The following DPP6 variants were observed in gnomAD, a reference collection of about 807,000 sequenced individuals.
The protein encoded by DPP6 is A-type potassium channel modulatory protein DPP6.
A neutral mutation model predicts 122.6 loss-of-function variants in DPP6; 69 were observed. The ratio of observed to expected loss-of-function variants is 0.56; its 90% CI spans 0.46 to 0.69. The LOEUF (loss-of-function observed/expected upper bound fraction) is 0.69. Among genes scored for constraint, DPP6 ranks in the 30% least tolerant of loss-of-function variants. The pLI, the probability that DPP6 is intolerant of heterozygous loss-of-function variation, is 0.00. For synonymous variants in DPP6, 418 were observed against 433.1 expected, an observed-to-expected ratio of 0.97 and a Z score of 0.43; for missense variants, 928 against 1,116.9, an observed-to-expected ratio of 0.83 and a Z score of 2.41.
chr7:153,992,871 C>G (rs1797246006), intron 1 of DPP6, among the ~76,000 whole-genome samples: 1 of 152,008 alleles, frequency 6.6e-6, no homozygotes, highest in African/African-American at 2.4e-5. Flanking sequence ...AAATTCTCAT[C>G]CCTCATATTT....
chr7:154,519,506 C>T (rs564648219), intron 3 of DPP6, among the ~76,000 whole-genome samples: 1 of 152,360 alleles, frequency 6.6e-6, no homozygotes, highest in Admixed American at 6.5e-5. Context: ...TTGACACTCA[C>T]AGACATAAAT....
intron 1 of DPP6, among the ~76,000 whole-genome samples, chr7:154,315,604 A>G (rs1207510713): frequency 6.6e-6 from 1 of 152,130 alleles, no homozygotes; most frequent in Non-Finnish European, 1.5e-5. Flanking sequence ...GATATTGACC[A>G]GCAGCCATCA....
chr7:154,587,793 G>A (rs1342986951), intron 5 of DPP6: 1 of 1,612,088 alleles, frequency 6.2e-7, no homozygotes. Flanking sequence ...TTCACTGCCT[G>A]CGTGACTATG....
intron 8 of DPP6, among the ~76,000 whole-genome samples, chr7:154,742,632 C>T (rs1842866193): frequency 6.6e-6 from 1 of 152,198 alleles, no homozygotes. Flanking sequence ...GGAGGAGACG[C>T]AAAATAGCTC....
intron 16 of DPP6, among the ~76,000 whole-genome samples, chr7:154,829,378 A>C (rs1800441146): frequency 6.9e-6 from 1 of 145,082 alleles, no homozygotes; most frequent in Non-Finnish European, 1.5e-5. Context: ...GTGAGACCCT[A>C]TAAGAAAGAA....
intron 1 of DPP6, among the ~76,000 whole-genome samples, chr7:154,044,862 C>T (rs1335754491): frequency 2.6e-5 from 4 of 152,010 alleles, no homozygotes; most frequent in East Asian, 1.9e-4. Context: ...ACTAGAGGCA[C>T]GGAAGATTTT....
At chr7:154,467,766 A>C (rs954235866) in intron 2 of DPP6, among the ~76,000 whole-genome samples, 1 of 152,172 alleles carries the variant, frequency 6.6e-6, no homozygotes, top group Non-Finnish European at 1.5e-5. Context: ...TATGTATGTC[A>C]TGGGAATTCA....
intron 1 of DPP6, among the ~76,000 whole-genome samples, chr7:154,427,363 T>C (rs1456159584): frequency 6.6e-6 from 1 of 152,256 alleles, no homozygotes; most frequent in East Asian, 1.9e-4. Context: ...GTGGTTGACA[T>C]ATTGATGCAT....
chr7:154,366,962 T>G (rs941093885), intron 1 of DPP6, among the ~76,000 whole-genome samples: 1 of 152,164 alleles, frequency 6.6e-6, no homozygotes, highest in Non-Finnish European at 1.5e-5. Context: ...AACGTTCTGA[T>G]TTTGTTGTCT....
At chr7:154,759,451 G>A (rs1041656984) in intron 8 of DPP6, among the ~76,000 whole-genome samples, 2 of 152,220 alleles carry the variant, frequency 1.3e-5, no homozygotes, top group Non-Finnish European at 1.5e-5. Flanking sequence ...AAGGGGCAGC[G>A]GCAATAGGAC....
At chr7:154,521,262 C>A (rs962316139) in intron 3 of DPP6, among the ~76,000 whole-genome samples, 3 of 152,290 alleles carry the variant, frequency 2.0e-5, no homozygotes, top group Non-Finnish European at 4.4e-5. Flanking sequence ...TTCACCTTCA[C>A]CCCTCTCAAC....
At chr7:154,728,226 G>A (rs1321351826) in intron 8 of DPP6, among the ~76,000 whole-genome samples, 1 of 152,198 alleles carries the variant, frequency 6.6e-6, no homozygotes, top group Admixed American at 6.5e-5. Context: ...TTCTGGGAAC[G>A]CTCAGGGACT....
intron 1 of DPP6, among the ~76,000 whole-genome samples, chr7:154,352,648 G>A (rs1462083731): frequency 2.0e-5 from 3 of 151,844 alleles, no homozygotes; most frequent in Non-Finnish European, 4.4e-5. Flanking sequence ...ACACAGGGAG[G>A]GGAACATCAT....
At chr7:153,986,237 A>C (rs1186526898) in intron 1 of DPP6, among the ~76,000 whole-genome samples, 2 of 152,228 alleles carry the variant, frequency 1.3e-5, no homozygotes, top group Admixed American at 1.3e-4. Flanking sequence ...CATGTAAAAA[A>C]ATTGCTTTTT....
At chr7:153,966,467 A>C (rs1585104127) in intron 1 of DPP6, among the ~76,000 whole-genome samples, 1 of 137,534 alleles carries the variant, frequency 7.3e-6, no homozygotes, top group Non-Finnish European at 1.5e-5. Flanking sequence ...CCAGCCCTTT[A>C]CCTCCCGCCT....
chr7:153,929,828 A>G (rs1207475499), intron 1 of DPP6, among the ~76,000 whole-genome samples: 1 of 152,212 alleles, frequency 6.6e-6, no homozygotes, highest in Non-Finnish European at 1.5e-5. Flanking sequence ...TCATAAAGGT[A>G]TTAGTCATTT....
At chr7:154,727,926 T>TTGC (rs747758365) in intron 8 of DPP6, 39 bp downstream of exon 8, 3 of 1,561,456 alleles carry the variant, frequency 1.9e-6, no homozygotes, top group South Asian at 1.2e-5. Flanking sequence ...AGATTTGTGG[T>TTGC]TGCTGCTGCT....
intron 1 of DPP6, among the ~76,000 whole-genome samples, chr7:154,295,952 T>C (rs1805510605): frequency 6.7e-6 from 1 of 149,456 alleles, no homozygotes; most frequent in Non-Finnish European, 1.5e-5. Flanking sequence ...TTCTTTTTTT[T>C]TTTTTTTTTT....
chr7:154,867,681 T>C (rs1034527253), intron 17 of DPP6, among the ~76,000 whole-genome samples: 1 of 152,206 alleles, frequency 6.6e-6, no homozygotes, highest in African/African-American at 2.4e-5. Context: ...CCAGCAGTCA[T>C]GGGAAGAATC....
Sources: gnomAD v4.1 joint callset for allele counts (sites outside exome capture counted in the v4.1 genomes callset) on GRCh38, gnomAD v4.1.1 for gene constraint, MANE v1.5 for transcripts, NCBI Gene and HGNC (gene_info 2026-07-23, HGNC 2026-07-21) for gene names.